Variants in ADAM17 observed in about 807,000 individuals in gnomAD.
The protein encoded by ADAM17 is ADAM metallopeptidase domain 17, also known as disintegrin and metalloproteinase domain-containing protein 17.
Under a neutral mutation model 96.7 loss-of-function variants are expected in ADAM17, and 39 were observed. The ratio of observed to expected loss-of-function variants is 0.40; its 90% CI spans 0.31 to 0.53. ADAM17 has a LOEUF of 0.53. ADAM17 is among the 20% of genes least tolerant of loss of function. The probability of loss-of-function intolerance (pLI) is 0.44; values close to 1 mark genes in which losing one functional copy is unlikely to be tolerated. For missense variants in ADAM17, 777 were observed against 1,013.2 expected (o/e 0.77, Z 3.17); for synonymous variants, 344 against 359.2 (o/e 0.96, Z 0.48).
chr2:9,510,601 T>C (rs1314357521), intron 10 of ADAM17, among the ~76,000 whole-genome samples: 1 of 151,076 alleles, frequency 6.6e-6, no homozygotes, highest in East Asian at 1.9e-4. Context: ...GGGGCGGAGG[T>C]TGCAGTGAGC....
chr2:9,525,275 G>A (rs1664474041), intron 6 of ADAM17, among the ~76,000 whole-genome samples: 1 of 150,630 alleles, frequency 6.6e-6, no homozygotes, highest in South Asian at 2.1e-4. Flanking sequence ...CTCCAGCCTG[G>A]GCGACACAGT....
Position 9,529,009 on chromosome 2 carries a change from A to T in ADAM17, c.451-1055T>A, listed in dbSNP as rs547659775. Among the ~76,000 whole-genome samples the T allele has an allele frequency of 1.6e-4, 25 of 152,378 alleles. No homozygotes were observed. In the South Asian group the frequency reaches 5.0e-3, roughly 30 times the overall value. On this transcript the variant is annotated intron_variant, in intron 4 of 18. Coordinates refer to ENST00000310823, the MANE Select transcript of ADAM17 (RefSeq NM_003183.6). The stretch of plus-strand genomic sequence containing the variant: ...TAAATATAGCTAAAAAGTGGAAACA[A>T]CCCAAATGTCCATCAACAACTAATC...
At chr2:9,512,920 G>A (rs956875831) in intron 10 of ADAM17, among the ~76,000 whole-genome samples, 7 of 152,142 alleles carry the variant, frequency 4.6e-5, no homozygotes, top group Admixed American at 4.6e-4. Flanking sequence ...CCAACTCCAT[G>A]GGGACAGAAG....
At chr2:9,496,297 T>G (rs1029123152) in intron 14 of ADAM17, 3 of 151,800 alleles carry the variant, frequency 2.0e-5, no homozygotes, top group African/African-American at 7.3e-5. Flanking sequence ...CCCGGCTAAT[T>G]TTTTTTATTT....
At chr2:9,514,518 A>AATATAAATATATATAT (rs1663933473) in intron 10 of ADAM17, among the ~76,000 whole-genome samples, 1 of 89,882 alleles carries the variant, frequency 1.1e-5, no homozygotes, top group African/African-American at 4.4e-5. Context: ...TTAAAATATA[A>AATATAAATATATATAT]ATATATATAT....
At chr2:9,538,516 T>C (rs888322427) in intron 2 of ADAM17, among the ~76,000 whole-genome samples, 1 of 152,214 alleles carries the variant, frequency 6.6e-6, no homozygotes, top group Non-Finnish European at 1.5e-5. Flanking sequence ...TCAGTTATGA[T>C]TTTTCCCTCC....
rs149973989 is a variant in ADAM17 at position 9,520,300 on chromosome 2, T to C, written c.957+903A>G. 6.0e-4 allele frequency among the ~76,000 whole-genome samples: 92 copies of C among 152,296 alleles called. 1 individual carries two copies. The East Asian group carries it at 0.015, about 24-fold the overall frequency. ...ATAAAGTCATTCTACACCAAAGTAA[T>C]AGCACACACAAACTCAAGACACTGG... On this transcript the variant is annotated intron_variant, in intron 8 of 18. Transcript: ENST00000310823.
At chr2:9,519,550 T>C (rs1001141277) in intron 8 of ADAM17, among the ~76,000 whole-genome samples, 1 of 152,146 alleles carries the variant, frequency 6.6e-6, no homozygotes, top group African/African-American at 2.4e-5. Context: ...ACTGGCTGAA[T>C]TGTGCCACCC....
intron 6 of ADAM17, among the ~76,000 whole-genome samples, chr2:9,523,593 G>C (rs536944890): frequency 6.6e-6 from 1 of 152,264 alleles, no homozygotes; most frequent in South Asian, 2.1e-4. Flanking sequence ...ATTGCACATG[G>C]AACCAAAATG....
At chr2:9,517,209 C>T (rs1664099661) in intron 10 of ADAM17, among the ~76,000 whole-genome samples, 1 of 152,148 alleles carries the variant, frequency 6.6e-6, no homozygotes, top group African/African-American at 2.4e-5. Context: ...ATTTAAACCA[C>T]TGCTTATTTA....
In ADAM17 at chr2:9,490,456, C is replaced by T. The variant is rs746436310; in HGVS notation, c.2196G>A (p.Ala732=). 3.7e-5 allele frequency: 59 copies of T among 1,613,826 alleles called. 1 individual carries two copies. Among genetic ancestry groups the T allele is most frequent in the African/African-American group, 5.3e-5 (4 of 74,870 alleles). ...GCTGCAGGCGGCCTGGAGTCTGGGG[C>T]GCAGGAAAGGGTTTGATAATGCGAA... ...ASVRIIKPFP[A]PQTPGRLQPA... is the part of the protein sequence containing the mutation. Residue 732 remains alanine (A), a synonymous_variant, in exon 19 of 19, where the codon GCG becomes GCA. Transcript: ENST00000310823.
chr2:9,520,964 CA>C (rs55909096), intron 8 of ADAM17, among the ~76,000 whole-genome samples: 2,352 of 26,280 alleles, frequency 0.089, 94 homozygotes, highest in African/African-American at 0.16. Flanking sequence ...AACTCTGTCT[CA>C]AAAAAAAAAA....
At chr2:9,509,624 G>C (rs1248833309) in intron 11 of ADAM17, among the ~76,000 whole-genome samples, 1 of 152,148 alleles carries the variant, frequency 6.6e-6, no homozygotes, top group Non-Finnish European at 1.5e-5. Flanking sequence ...GTAAATTGTA[G>C]AGTTAAAATG....
chr2:9,553,984 C>T (rs1572966704), intron 1 of ADAM17, among the ~76,000 whole-genome samples: 4 of 150,972 alleles, frequency 2.6e-5, no homozygotes, highest in African/African-American at 9.7e-5. Context: ...ACTGCTTGAA[C>T]CCCGGGAGGC....
rs748987023 is a variant in ADAM17, at chr2:9,549,531, G to T, written c.97+5978C>A. ...AGGTTCTGGAAACGTGTGGGTTTTTGTTTTGTTTTGTTTTTGAGACAGGGT... is the reference window on the plus strand; with the variant it reads ...AGGTTCTGGAAACGTGTGGGTTTTTTTTTTGTTTTGTTTTTGAGACAGGGT... On this transcript the variant is annotated intron_variant, in intron 1 of 18. Transcript: ENST00000310823. Among the ~76,000 whole-genome samples the T allele has an allele frequency of 2.1e-3, 313 of 152,248 alleles. 1 individual carries two copies. Among genetic ancestry groups the T allele is most frequent in the Non-Finnish European group, 3.0e-3 (207 of 68,004 alleles).
chr2:9,508,475 A>C (rs541639556), intron 11 of ADAM17, among the ~76,000 whole-genome samples: 1 of 152,214 alleles, frequency 6.6e-6, no homozygotes, highest in Non-Finnish European at 1.5e-5. Flanking sequence ...CAAGTATATA[A>C]CTCAGTGATT....
chr2:9,523,284 C>T lies in ADAM17; in HGVS notation c.808G>A (p.Ala270Thr). ...DIYRNTSWDN[A>T]GFKGYGIQIE... Reference sequence around the variant, plus strand: ...TGTATTCCATAGCCTTTAAAACCTGCATTATCCCATGAAGTGTTCCGATAG... The same window carrying T: ...TGTATTCCATAGCCTTTAAAACCTGTATTATCCCATGAAGTGTTCCGATAG... The change falls in exon 7 of 19, where the codon GCA becomes ACA. Residue 270 changes from alanine (A) to threonine (T), a missense_variant. Physicochemically the swap from Ala to Thr is moderately conservative, Grantham distance 58 (BLOSUM62 0). Around this residue, in one of 3 missense-constraint regions of ADAM17, gnomAD observed 446 missense variants for 664.7 expected, o/e 0.67. Coordinates refer to ENST00000310823, the MANE Select transcript of ADAM17 (RefSeq NM_003183.6). The T allele has an allele frequency of 1.2e-6, 2 of 1,612,848 alleles. No homozygotes were observed. Among genetic ancestry groups the T allele is most frequent in the South Asian group, 2.2e-5 (2 of 91,016 alleles).
intron 1 of ADAM17, among the ~76,000 whole-genome samples, chr2:9,546,090 C>A: frequency 1.4e-5 from 2 of 144,116 alleles, no homozygotes; most frequent in African/African-American, 2.6e-5. Context: ...AGGATGAGAC[C>A]CAGTCTCAAA....
intron 6 of ADAM17, among the ~76,000 whole-genome samples, chr2:9,525,577 A>G (rs1382983333): frequency 6.6e-6 from 1 of 152,238 alleles, no homozygotes; most frequent in East Asian, 1.9e-4. Flanking sequence ...GTTCATACTT[A>G]AAAATCCAGT....
Sources: gnomAD v4.1 joint callset for allele counts (sites outside exome capture counted in the v4.1 genomes callset) on GRCh38, gnomAD v4.1.1 for gene constraint, gnomAD v4.1.1 regional missense constraint, MANE v1.5 for transcripts, NCBI Gene and HGNC (gene_info 2026-07-23, HGNC 2026-07-21) for gene names.